YOD1: variants seen among roughly 807,000 people sequenced by gnomAD.
The protein encoded by YOD1 is ubiquitin thioesterase OTU1.
YOD1 carries 17 observed loss-of-function variants against 23.7 expected under a neutral mutation model. The observed-to-expected ratio is 0.72, with a 90% CI of 0.49 to 1.07. The LOEUF is 1.07. Among genes scored for constraint, YOD1 ranks in the 50% least tolerant of loss-of-function variants. The pLI is 0.00. For missense variants in YOD1, 413 were observed against 447.2 expected (o/e 0.92, Z 0.69); for synonymous variants, 191 against 169.6 (o/e 1.13, Z -0.98).
rs2102323106 is a variant in YOD1 at position 207,046,841 on chromosome 1, A to C, written c.*2179T>G. ...GTTGGAACATATCAAAACATATGAC[A>C]GAAACATATCAAAACATGCCTGGCA... On this transcript the variant is annotated 3_prime_UTR_variant, in exon 2 of 2. Coordinates refer to ENST00000315927, the MANE Select transcript of YOD1 (RefSeq NM_018566.4). 1 of 152,250 alleles carries C rather than the reference A, an allele frequency of 6.6e-6. No homozygotes were observed. The highest frequency in any genetic ancestry group is 2.4e-5 in the African/African-American group (1 of 41,584). 9.4% of individuals were successfully genotyped at this position (152,250 alleles called of 1,614,324 possible). A position where few individuals can be genotyped will look rare whatever the true frequency, so the allele number is the denominator to read the frequency against.
intron 1 of YOD1, 23 bp from the exon 2 acceptor site, chr1:207,049,746 C>A (rs761162694): frequency 1.9e-6 from 3 of 1,582,594 alleles, no homozygotes; most frequent in South Asian, 1.2e-5. Context: ...AAACAAATCC[C>A]GATCTGCAAA....
chr1:207,050,929 C>A lies in YOD1; in HGVS notation c.102G>T (p.Ala34=), dbSNP rs1161979096. 1.3e-6 allele frequency: 2 copies of A among 1,588,162 alleles called. No individual in the cohort carries two copies. The highest frequency in any genetic ancestry group is 2.7e-5 in the African/African-American group (2 of 74,242). Residue 34 remains alanine (A), a synonymous_variant, in exon 1 of 2, where the codon GCG becomes GCT. Coordinates refer to ENST00000315927, the MANE Select transcript of YOD1 (RefSeq NM_018566.4). ...QQAAGTKAGP[A]GAWPVGSRTD... ...TCCGGCTGCCCACAGGCCAGGCACC[C>A]GCGGGGCCAGCTTTGGTCCCGGCAG...
chr1:207,050,973 CG>C lies in YOD1; in HGVS notation c.57del (p.Gly20AlafsTer99). 1 of 1,543,870 alleles carries C rather than the reference CG, an allele frequency of 6.5e-7. No homozygotes were observed. ...HFGVHPAPGF[P>X]GGVSQQAAGT... ...CCGGCAGCCTGTTGGGAGACGCCGC[CG>C]GGGAAACCAGGCGCCGGGTGGACTC... is the stretch of plus-strand genomic sequence containing the variant. On this transcript the variant is annotated frameshift_variant, in exon 1 of 2. Coordinates refer to ENST00000315927, the MANE Select transcript of YOD1 (RefSeq NM_018566.4). LOFTEE classifies it high-confidence loss of function.
rs1682551601 is a variant in YOD1, at chr1:207,044,675, T to C, written c.*4345A>G. The C allele has an allele frequency of 6.6e-6, 1 of 152,386 alleles. No individual in the cohort carries two copies. Among genetic ancestry groups the C allele is most frequent in the Non-Finnish European group, 1.5e-5 (1 of 67,958 alleles). The allele number at this position is 152,386 out of a possible 1,614,324, so 9.4% of individuals were successfully genotyped here. A position where few individuals can be genotyped will look rare whatever the true frequency, so the allele number is the denominator to read the frequency against. On this transcript the variant is annotated 3_prime_UTR_variant, in exon 2 of 2. Transcript: ENST00000315927. Reference sequence around the variant, plus strand: ...TTTCACCTATGGCCATGCTACATTCTATGACAAGAAATGGGGAAGAAGGGT... The same window carrying C: ...TTTCACCTATGGCCATGCTACATTCCATGACAAGAAATGGGGAAGAAGGGT...
chr1:207,050,866 G>T lies in YOD1; in HGVS notation c.165C>A (p.Asp55Glu), dbSNP rs747180418. ...ACAGCCCCTGCAAAACATGGGTGCC[G>T]TCCTTGGCCTTGCAGCGGAGCCGCC... ...TMWRLRCKAKDGTHVLQGLSS... is the reference protein window; with the variant it reads ...TMWRLRCKAKEGTHVLQGLSS... Residue 55 changes from aspartate (D) to glutamate (E), a missense_variant, in exon 1 of 2, where the codon GAC becomes GAA. Transcript: ENST00000315927. 2 of 1,611,648 alleles carry T rather than the reference G, an allele frequency of 1.2e-6. No homozygotes were observed. Among genetic ancestry groups the T allele is most frequent in the Non-Finnish European group, 1.7e-6 (2 of 1,179,306 alleles).
chr1:207,050,590 C>G lies in YOD1; in HGVS notation c.343+98G>C, dbSNP rs1230144431. 3.3e-6 allele frequency: 5 copies of G among 1,530,218 alleles called. No individual in the cohort carries two copies. The Admixed American group carries it at 8.5e-5, about 26-fold the overall frequency. 94.8% of individuals were successfully genotyped at this position (1,530,218 alleles called of 1,614,324 possible). A position where few individuals can be genotyped will look rare whatever the true frequency, so the allele number is the denominator to read the frequency against. On this transcript the variant is annotated intron_variant, in intron 1 of 1. Coordinates refer to ENST00000315927, the MANE Select transcript of YOD1 (RefSeq NM_018566.4). ...GCCCCTGGCCTCAAAGCCCCCCCGC[C>G]GACTCACAGCCACCTTGCCTTGACT...
chr1:207,050,858 TG>T lies in YOD1; in HGVS notation c.172del (p.His58MetfsTer61), dbSNP rs1682728148. 1 of 1,612,466 alleles carries T rather than the reference TG, an allele frequency of 6.2e-7. No homozygotes were observed. Among genetic ancestry groups the T allele is most frequent in the Admixed American group, 1.7e-5 (1 of 59,970 alleles). ...CCGGCTGGACAGCCCCTGCAAAACA[TG>T]GGTGCCGTCCTTGGCCTTGCAGCGG... ...RLRCKAKDGT[H>X]VLQGLSSRTR... On this transcript the variant is annotated frameshift_variant, in exon 1 of 2. Coordinates refer to ENST00000315927, the MANE Select transcript of YOD1 (RefSeq NM_018566.4). LOFTEE classifies it high-confidence loss of function.
Position 207,047,672 on chromosome 1 carries a change from A to C in YOD1, c.*1348T>G, listed in dbSNP as rs1682631326. On this transcript the variant is annotated 3_prime_UTR_variant, in exon 2 of 2. Transcript: ENST00000315927. ...TCTGGAAGATCTTGTAGTGAAGCTA[A>C]GTTTTAGAGGGTGTGCCTTGCGGAT... 6.5e-6 allele frequency: 1 copy of C among 152,672 alleles called. No individual in the cohort carries two copies. The highest frequency in any genetic ancestry group is 1.5e-5 in the Non-Finnish European group (1 of 68,016). The allele number at this position is 152,672 out of a possible 1,614,324, so 9.5% of individuals were successfully genotyped here.
Position 207,049,442 on chromosome 1 carries a change from ACT to A in YOD1, c.623_624del (p.Glu208ValfsTer3). 1 of 1,613,970 alleles carries A rather than the reference ACT, an allele frequency of 6.2e-7. No homozygotes were observed. Among genetic ancestry groups the A allele is most frequent in the Non-Finnish European group, 8.5e-7 (1 of 1,179,996 alleles). The stretch of plus-strand genomic sequence containing the variant: ...TCATCCCTTTTGATCCAGTCACAGT[ACT>A]CTTGATTTGTTTTTCCCAGTATTGC... ...SEAILGKTNQ[E>X]YCDWIKRDDT... On this transcript the variant is annotated frameshift_variant, in exon 2 of 2. Coordinates refer to ENST00000315927, the MANE Select transcript of YOD1 (RefSeq NM_018566.4). LOFTEE classifies it high-confidence loss of function.
chr1:207,049,954 G>C (rs986584429), intron 1 of YOD1, among the ~76,000 whole-genome samples: 21 of 152,152 alleles, frequency 1.4e-4, no homozygotes, highest in African/African-American at 4.8e-4. Flanking sequence ...TTTAGTGAAG[G>C]GGTCTGGAGT....
At position 207,045,460 on chromosome 1, in the gene YOD1, G is replaced by T. The variant is rs1398276645; in HGVS notation, c.*3560C>A. 2 of 152,308 alleles carry T rather than the reference G, an allele frequency of 1.3e-5. No individual in the cohort carries two copies. Among genetic ancestry groups the T allele is most frequent in the Non-Finnish European group, 2.9e-5 (2 of 67,876 alleles). The allele number at this position is 152,308 out of a possible 1,614,324, so 9.4% of individuals were successfully genotyped here. A position where few individuals can be genotyped will look rare whatever the true frequency, so the allele number is the denominator to read the frequency against. On this transcript the variant is annotated 3_prime_UTR_variant, in exon 2 of 2. Transcript: ENST00000315927. ...AGTAGCTCAAGAATTGTACTTTAATGTCCTTAATTAGATCCCTAGAGGGCC... is the reference window on the plus strand; with the variant it reads ...AGTAGCTCAAGAATTGTACTTTAATTTCCTTAATTAGATCCCTAGAGGGCC...
chr1:207,048,108 C>T lies in YOD1; in HGVS notation c.*912G>A, dbSNP rs1044932259. ...GCAAATGAAGAAAAAACTGAGGACT[C>T]GAATTTCAAGGAATTTCAATTAAAA... On this transcript the variant is annotated 3_prime_UTR_variant, in exon 2 of 2. Coordinates refer to ENST00000315927, the MANE Select transcript of YOD1 (RefSeq NM_018566.4). 8 of 152,510 alleles carry T rather than the reference C, an allele frequency of 5.2e-5. No homozygotes were observed. Among genetic ancestry groups the T allele is most frequent in the South Asian group, 2.1e-4 (1 of 4,834 alleles). The allele number at this position is 152,510 out of a possible 1,614,324, so 9.4% of individuals were successfully genotyped here. A position where few individuals can be genotyped will look rare whatever the true frequency, so the allele number is the denominator to read the frequency against.
In YOD1 at chr1:207,043,965, A is replaced by G. The variant is rs774519789; in HGVS notation, c.*5055T>C. ...ATCTTAATGACAATGGCAAAATCAC[A>G]TAAGAGTTGTAGAAAATGAAGTTAG... On this transcript the variant is annotated 3_prime_UTR_variant, in exon 2 of 2. Coordinates refer to ENST00000315927, the MANE Select transcript of YOD1 (RefSeq NM_018566.4). 1.3e-5 allele frequency: 2 copies of G among 152,656 alleles called. No individual in the cohort carries two copies. Among genetic ancestry groups the G allele is most frequent in the African/African-American group, 2.4e-5 (1 of 41,474 alleles). The allele number at this position is 152,656 out of a possible 1,614,324, so 9.5% of individuals were successfully genotyped here.
chr1:207,051,126 T>G lies in YOD1; in HGVS notation c.-96A>C. On this transcript the variant is annotated 5_prime_UTR_variant, in exon 1 of 2. Transcript: ENST00000315927. ...GCGCGAACTCTTTTAAAGTGACAAC[T>G]GATTTTTCCCCCACCCTCAGAACGA... The G allele has an allele frequency of 7.0e-7, 1 of 1,422,502 alleles. No individual in the cohort carries two copies. Among genetic ancestry groups the G allele is most frequent in the Non-Finnish European group, 9.1e-7 (1 of 1,093,546 alleles). The allele number at this position is 1,422,502 out of a possible 1,614,324, so 88.1% of individuals were successfully genotyped here.
In YOD1 at chr1:207,049,551, T is replaced by G; in HGVS notation, c.516A>C (p.Gly172=). ...CAGGGGCACAAGCTGGATTCAAGAC[T>G]CCTCCTTCGACGACATAGTACACAC... is the stretch of plus-strand genomic sequence containing the variant. ...FTSVYYVVEG[G]VLNPACAPEM... The change falls in exon 2 of 2, where the codon GGA becomes GGC. Residue 172 remains glycine, a synonymous_variant. Transcript: ENST00000315927. 6.2e-7 allele frequency: 1 copy of G among 1,614,172 alleles called. No homozygotes were observed. The highest frequency in any genetic ancestry group is 8.5e-7 in the Non-Finnish European group (1 of 1,180,034).
chr1:207,050,482 C>T (rs1205875328), intron 1 of YOD1, among the ~76,000 whole-genome samples: 1 of 152,164 alleles, frequency 6.6e-6, no homozygotes, highest in Non-Finnish European at 1.5e-5. Context: ...TTTGGGTTCC[C>T]TTTCAACCCT....
rs1019167515 is a variant in YOD1, at chr1:207,045,428, G to A, written c.*3592C>T. On this transcript the variant is annotated 3_prime_UTR_variant, in exon 2 of 2. Transcript: ENST00000315927. ...TGGCAATCTTTGATTAAGAAGAGCT[G>A]ATGGTTAGTAGCTCAAGAATTGTAC... 2.0e-5 allele frequency: 3 copies of A among 152,458 alleles called. No homozygotes were observed. Among genetic ancestry groups the A allele is most frequent in the African/African-American group, 7.2e-5 (3 of 41,420 alleles). The allele number at this position is 152,458 out of a possible 1,614,324, so 9.4% of individuals were successfully genotyped here.
chr1:207,052,193 T>C (rs1020403683), upstream of YOD1: 5 of 1,612,780 alleles, frequency 3.1e-6, no homozygotes, highest in Admixed American at 6.7e-5. Flanking sequence ...ACCTCCACTG[T>C]AAAAGACTTT....
upstream of YOD1, among the ~76,000 whole-genome samples, chr1:207,051,764 C>G (rs1267942117): frequency 6.6e-6 from 1 of 152,206 alleles, no homozygotes; most frequent in East Asian, 1.9e-4. Context: ...AGACACACAG[C>G]CACTGAATTT....
Sources: allele counts gnomAD v4.1 joint callset (sites outside exome capture counted in the v4.1 genomes callset), GRCh38; gene constraint gnomAD v4.1.1; transcripts MANE v1.5; gene names NCBI Gene and HGNC (gene_info 2026-07-23, HGNC 2026-07-21).